The following VPS13D variants were observed in gnomAD, a reference collection of about 807,000 sequenced individuals.
The protein encoded by VPS13D is vacuolar protein sorting 13 homolog D.
VPS13D carries 187 observed loss-of-function variants against 461.9 expected under a neutral mutation model. The ratio of observed to expected loss-of-function variants is 0.40; its 90% CI spans 0.36 to 0.46. The LOEUF is 0.46. Ranked by LOEUF, VPS13D falls within the 20% of genes least tolerant of loss-of-function variation. The pLI is 0.60. For missense variants in VPS13D, 4,711 were observed against 5,364.9 expected (o/e 0.88, Z 3.81); for synonymous variants, 1,951 against 1,986.3 (o/e 0.98, Z 0.47).
intron 67 of VPS13D, among the ~76,000 whole-genome samples, chr1:12,486,562 G>C (rs1645799604): frequency 6.6e-6 from 1 of 152,174 alleles, no homozygotes; most frequent in Non-Finnish European, 1.5e-5. Context: ...GACGGTGCAC[G>C]TTCCCCGGAG....
Position 12,308,470 on chromosome 1 carries a change from T to A in VPS13D, c.6479T>A (p.Leu2160His). 1 of 1,614,128 alleles carries A rather than the reference T, an allele frequency of 6.2e-7. No homozygotes were observed. Among genetic ancestry groups the A allele is most frequent in the Non-Finnish European group, 8.5e-7 (1 of 1,180,022 alleles). Residue 2160 changes from leucine to histidine, a missense_variant, in exon 27 of 70, where the codon CTC (leucine) becomes CAC (histidine). Leu to His is a moderately conservative substitution (Grantham distance 99). Coordinates refer to ENST00000620676, the MANE Select transcript of VPS13D (RefSeq NM_015378.4). ...VCLLDCVVVD[L>H]QDMDIFAAER... is the part of the protein sequence containing the mutation. ...CTGCTGGATTGCGTTGTCGTGGATCTCCAGGACATGGACATCTTTGCTGCA... is the reference window on the plus strand; with the variant it reads ...CTGCTGGATTGCGTTGTCGTGGATCACCAGGACATGGACATCTTTGCTGCA...
chr1:12,487,385 C>T lies in VPS13D; in HGVS notation c.12663-10115C>T, dbSNP rs193258706. ...CAGCACTTTGGGAGGCCGAGGTGGG[C>T]GGATCACAAGGTCAGGAGTTCGAGA... On this transcript the variant is annotated intron_variant, in intron 67 of 69. Coordinates refer to ENST00000620676, the MANE Select transcript of VPS13D (RefSeq NM_015378.4). 5.1e-4 allele frequency among the ~76,000 whole-genome samples: 77 copies of T among 152,066 alleles called. 2 individuals carry two copies. The South Asian group carries it at 6.0e-3, about 12-fold the overall frequency.
At chr1:12,392,125 G>A (rs1644434606) in intron 60 of VPS13D, among the ~76,000 whole-genome samples, 1 of 152,116 alleles carries the variant, frequency 6.6e-6, no homozygotes, top group South Asian at 2.1e-4. Context: ...GCCTCCCAGG[G>A]TCCTGGGATT....
intron 2 of VPS13D, among the ~76,000 whole-genome samples, chr1:12,237,002 G>GATC (rs1640168968): frequency 6.6e-6 from 1 of 152,038 alleles, no homozygotes. Context: ...CCATCCTCAT[G>GATC]ATCATCAGTG....
intron 65 of VPS13D, among the ~76,000 whole-genome samples, chr1:12,450,375 G>A (rs1645247177): frequency 6.6e-6 from 1 of 152,290 alleles, no homozygotes; most frequent in Admixed American, 6.5e-5. Context: ...GCTTATTGCA[G>A]ACAATGCTGA....
intron 25 of VPS13D, among the ~76,000 whole-genome samples, chr1:12,301,445 A>G (rs1642422589): frequency 6.6e-6 from 1 of 152,172 alleles, no homozygotes; most frequent in Non-Finnish European, 1.5e-5. Context: ...TTACTGGTTG[A>G]GCATAAAGGC....
intron 67 of VPS13D, among the ~76,000 whole-genome samples, chr1:12,488,751 T>C (rs753317814): frequency 2.6e-4 from 39 of 151,828 alleles, no homozygotes; most frequent in Non-Finnish European, 4.9e-4. Context: ...CATGCGTACT[T>C]AATAGCCACA....
At chr1:12,478,602 G>A in intron 67 of VPS13D, 2 of 352,472 alleles carry the variant, frequency 5.7e-6, no homozygotes, top group Non-Finnish European at 1.1e-5. Flanking sequence ...GCCCATCTGA[G>A]GTCATAAAGG....
chr1:12,356,282 C>T, intron 48 of VPS13D, 116 bp from the exon 49 acceptor site: 1 of 1,427,348 alleles, frequency 7.0e-7, no homozygotes. Flanking sequence ...ACTGAGCCCA[C>T]TAAATAGATT....
In VPS13D at chr1:12,341,990, T is replaced by C. The variant is rs1489577100; in HGVS notation, c.8732+105T>C. On this transcript the variant is annotated intron_variant, in intron 41 of 69. Coordinates refer to ENST00000620676, the MANE Select transcript of VPS13D (RefSeq NM_015378.4). ...CCCCCTCTTGAGGCTCTTGGGATGA[T>C]ATTTGAATGAATAACTTGCTGTCTT... 4 of 929,590 alleles carry C rather than the reference T, an allele frequency of 4.3e-6. No individual in the cohort carries two copies. In the African/African-American group the frequency reaches 5.0e-5, roughly 12 times the overall value. The allele number at this position is 929,590 out of a possible 1,614,324, so 57.6% of individuals were successfully genotyped here. A position where few individuals can be genotyped will look rare whatever the true frequency, so the allele number is the denominator to read the frequency against.
chr1:12,379,239 T>C (rs1644241017), intron 56 of VPS13D, among the ~76,000 whole-genome samples: 1 of 152,254 alleles, frequency 6.6e-6, no homozygotes. Context: ...GAAGCCATAT[T>C]ACTGTGTGTT....
At chr1:12,367,780 T>C (rs1438921023) in intron 52 of VPS13D, 1 of 152,102 alleles carries the variant, frequency 6.6e-6, no homozygotes, top group Non-Finnish European at 1.5e-5. Flanking sequence ...CTAATATTTT[T>C]GTATTTTTAG....
chr1:12,287,595 A>G (rs991195299), intron 21 of VPS13D, among the ~76,000 whole-genome samples: 2 of 152,210 alleles, frequency 1.3e-5, no homozygotes, highest in African/African-American at 2.4e-5. Context: ...GGTTGTTGGG[A>G]ACTGACTCAA....
At chr1:12,349,483 TTAAACTC>T in intron 46 of VPS13D, 109 bp downstream of exon 46, 2 of 1,088,072 alleles carry the variant, frequency 1.8e-6, no homozygotes, top group South Asian at 3.1e-5. Context: ...TTATCTTTAT[TTAAACTC>T]TAAAGTTCTT....
intron 67 of VPS13D, chr1:12,478,731 C>T (rs1049195818): frequency 4.4e-6 from 2 of 452,340 alleles, no homozygotes; most frequent in African/African-American, 4.0e-5. Context: ...AGCAGTCTGC[C>T]TCCCTCCCCC....
intron 26 of VPS13D, among the ~76,000 whole-genome samples, chr1:12,306,877 C>T (rs901808311): frequency 2.6e-5 from 4 of 152,278 alleles, no homozygotes; most frequent in African/African-American, 9.6e-5. Context: ...ATAGGGTTTG[C>T]ACCCCAATGA....
In VPS13D at chr1:12,241,232, C is replaced by T. The variant is rs79212320; in HGVS notation, c.98-1281C>T. Among the ~76,000 whole-genome samples, 1,286 of 152,282 alleles carry T rather than the reference C, an allele frequency of 8.4e-3. 10 individuals are homozygous for T. The highest frequency in any genetic ancestry group is 0.013 in the Non-Finnish European group (891 of 68,016). On this transcript the variant is annotated intron_variant, in intron 2 of 69. Transcript: ENST00000620676. The stretch of plus-strand genomic sequence containing the variant: ...TGCTGGGATTACAGGGGTGAGCTGC[C>T]GCACCTGGCCTGAATTCTTCTTTAG...
rs527247240 is a variant in VPS13D at position 12,502,166 on chromosome 1, C to T, written c.12794+4535C>T. ...GTCATGAAAAATAAAACCTTGACAG[C>T]AGCAGGTAGAGAGACTGAAGGCAGG... is the stretch of plus-strand genomic sequence containing the variant. On this transcript the variant is annotated intron_variant, in intron 68 of 69. Coordinates refer to ENST00000620676, the MANE Select transcript of VPS13D (RefSeq NM_015378.4). This position sits in a 1 kb window ranked among gnomAD's most constrained non-coding sequence, Gnocchi z 4.3. 6.6e-6 allele frequency among the ~76,000 whole-genome samples: 1 copy of T among 152,232 alleles called. No individual in the cohort carries two copies.
rs1351758652 is a variant in VPS13D, at chr1:12,311,805, T to G, written c.6823-8T>G. ...AGCTGTGGATTGACGAGCATTTTCCTTTTGTAGACTGTCCTGAGTGGAGAA... is the reference window on the plus strand; with the variant it reads ...AGCTGTGGATTGACGAGCATTTTCCGTTTGTAGACTGTCCTGAGTGGAGAA... On this transcript the variant is annotated splice_polypyrimidine_tract_variant and splice_region_variant and intron_variant, in intron 28 of 69. Transcript: ENST00000620676. 1 of 1,610,552 alleles carries G rather than the reference T, an allele frequency of 6.2e-7. No individual in the cohort carries two copies. The highest frequency in any genetic ancestry group is 1.3e-5 in the African/African-American group (1 of 74,844).
Sources: allele counts gnomAD v4.1 joint callset (sites outside exome capture counted in the v4.1 genomes callset), GRCh38; gene constraint gnomAD v4.1.1; non-coding constraint Gnocchi (gnomAD v3.1); transcripts MANE v1.5; gene names NCBI Gene and HGNC (gene_info 2026-07-23, HGNC 2026-07-21).